The following NUP210L variants were observed in gnomAD, a reference collection of about 807,000 sequenced individuals.
The protein encoded by NUP210L is nucleoporin 210 like.
A neutral mutation model predicts 208.5 loss-of-function variants in NUP210L; 74 were observed. That is an observed-to-expected ratio of 0.35 (90% confidence interval 0.29 to 0.43). NUP210L has a LOEUF of 0.43. NUP210L is among the 20% of genes least tolerant of loss of function. The probability of loss-of-function intolerance (pLI) is 1.00; values close to 1 mark genes in which losing one functional copy is unlikely to be tolerated. For synonymous variants in NUP210L, 780 were observed against 816.9 expected (o/e 0.95, Z 0.77); for missense variants, 1,843 against 2,289.4 (o/e 0.81, Z 3.98).
At position 154,041,736 on chromosome 1, in the gene NUP210L, A is replaced by G. The variant is rs551647342; in HGVS notation, c.3696+4333T>C. Among the ~76,000 whole-genome samples, 12 of 152,290 alleles carry G rather than the reference A, an allele frequency of 7.9e-5. No individual in the cohort carries two copies. In the South Asian group the frequency reaches 2.5e-3, roughly 32 times the overall value. ...TTACAGGCTAGACTGGATAGCGAGG[A>G]TTAGAACTTGATAGACTTCTGATAA... is the stretch of plus-strand genomic sequence containing the variant. On this transcript the variant is annotated intron_variant, in intron 27 of 39. Transcript: ENST00000368559.
chr1:154,058,784 A>G, intron 20 of NUP210L, 91 bp from the exon 21 acceptor site: 1 of 1,336,808 alleles, frequency 7.5e-7, no homozygotes, highest in African/African-American at 1.5e-5. Flanking sequence ...AGAATAGAAA[A>G]CATCTTGCTT....
intron 27 of NUP210L, among the ~76,000 whole-genome samples, chr1:154,033,721 G>A (rs539218394): frequency 6.6e-6 from 1 of 152,182 alleles, no homozygotes; most frequent in South Asian, 2.1e-4. Flanking sequence ...GGACGGCTTT[G>A]ACTATTCTGT....
At chr1:154,010,238 T>G (rs1650829458) in intron 34 of NUP210L, 117 bp from the exon 35 acceptor site, 1 of 900,882 alleles carries the variant, frequency 1.1e-6, no homozygotes, top group Non-Finnish European at 1.7e-6. Flanking sequence ...AGAGGGTCAG[T>G]TATGGCTGGT....
intron 20 of NUP210L, among the ~76,000 whole-genome samples, chr1:154,059,629 A>T (rs1045260453): frequency 6.6e-6 from 1 of 152,198 alleles, no homozygotes; most frequent in Non-Finnish European, 1.5e-5. Flanking sequence ...AATCGCGTGC[A>T]TTTATGCCAC....
chr1:154,055,187 CTTTT>C (rs869166431), intron 23 of NUP210L, among the ~76,000 whole-genome samples: 4 of 83,976 alleles, frequency 4.8e-5, no homozygotes, highest in Admixed American at 2.6e-4. Context: ...TTCTTTCTTT[CTTTT>C]TCTTTCTTTC....
intron 10 of NUP210L, among the ~76,000 whole-genome samples, chr1:154,120,895 C>CAAA (rs34261242): frequency 4.9e-5 from 4 of 82,182 alleles, no homozygotes; most frequent in African/African-American, 1.4e-4. Flanking sequence ...GACTCTGTCT[C>CAAA]AAAAAAAAAA....
intron 15 of NUP210L, 95 bp downstream of exon 15, chr1:154,094,840 A>G: frequency 1.1e-6 from 1 of 903,524 alleles, no homozygotes; most frequent in Non-Finnish European, 1.7e-6. Context: ...TAGTCCATAA[A>G]CTAAATTCAG....
intron 13 of NUP210L, among the ~76,000 whole-genome samples, chr1:154,101,823 G>A (rs11265076): frequency 0.26 from 39,611 of 152,072 alleles, 5,599 homozygotes; most frequent in Admixed American, 0.37. Flanking sequence ...AGATATAAAT[G>A]AGAATATGAG....
intron 35 of NUP210L, among the ~76,000 whole-genome samples, chr1:154,003,573 A>G (rs1650337830): frequency 6.6e-6 from 1 of 151,488 alleles, no homozygotes; most frequent in African/African-American, 2.4e-5. Flanking sequence ...CACAATCACA[A>G]CTCACTGAAA....
At chr1:154,140,629 TG>T (rs1339289304) in intron 4 of NUP210L, among the ~76,000 whole-genome samples, 1 of 138,898 alleles carries the variant, frequency 7.2e-6, no homozygotes, top group Non-Finnish European at 1.6e-5. Flanking sequence ...ATCGTGTCAC[TG>T]CACTCCAGCC....
intron 33 of NUP210L, among the ~76,000 whole-genome samples, chr1:154,018,004 C>A (rs2147921273): frequency 6.6e-6 from 1 of 151,974 alleles, no homozygotes; most frequent in Non-Finnish European, 1.5e-5. Flanking sequence ...GCGACTCTCA[C>A]TCTGTTGCCC....
chr1:154,068,922 A>C (rs1219556128), intron 17 of NUP210L, among the ~76,000 whole-genome samples: 1 of 152,134 alleles, frequency 6.6e-6, no homozygotes, highest in African/African-American at 2.4e-5. Context: ...ACATGTATAC[A>C]TATGTAACTA....
At chr1:154,112,786 G>A (rs1419434202) in intron 12 of NUP210L, among the ~76,000 whole-genome samples, 1 of 151,788 alleles carries the variant, frequency 6.6e-6, no homozygotes, top group Non-Finnish European at 1.5e-5. Context: ...AGACCAGGAG[G>A]CGGAGGTTGC....
intron 14 of NUP210L, among the ~76,000 whole-genome samples, 163 bp downstream of exon 14, chr1:154,099,835 T>G (rs924121492): frequency 2.6e-5 from 4 of 152,210 alleles, no homozygotes; most frequent in African/African-American, 9.6e-5. Context: ...GAGACTTAGG[T>G]TTGAGGAGAG....
chr1:154,139,244 T>C (rs1215386341), intron 5 of NUP210L, among the ~76,000 whole-genome samples: 2 of 151,826 alleles, frequency 1.3e-5, no homozygotes, highest in Admixed American at 6.6e-5. Flanking sequence ...TTGGAGAAAG[T>C]GTATGTAGAT....
chr1:154,000,841 A>G lies in NUP210L; in HGVS notation c.5386+15T>C, dbSNP rs1650167337. The G allele has an allele frequency of 6.2e-7, 1 of 1,602,108 alleles. No individual in the cohort carries two copies. On this transcript the variant is annotated intron_variant, in intron 37 of 39. Coordinates refer to ENST00000368559, the Ensembl canonical transcript of NUP210L. ...TTTCCTCTCTAGATTATAAATAGGA[A>G]TCTCTGATGCTTACCTGCACCCAAC...
At chr1:154,064,123 C>A (rs887085526) in intron 17 of NUP210L, among the ~76,000 whole-genome samples, 5 of 151,702 alleles carry the variant, frequency 3.3e-5, no homozygotes, top group African/African-American at 9.7e-5. Context: ...GTCTTGCACT[C>A]TTGGGCTTAA....
At chr1:154,117,321 C>T (rs1657378581) in intron 12 of NUP210L, among the ~76,000 whole-genome samples, 1 of 152,116 alleles carries the variant, frequency 6.6e-6, no homozygotes, top group Non-Finnish European at 1.5e-5. Flanking sequence ...TGGCTTATGC[C>T]TGTAATCCCA....
At chr1:154,009,408 C>T (rs1373223004) in intron 35 of NUP210L, among the ~76,000 whole-genome samples, 1 of 151,904 alleles carries the variant, frequency 6.6e-6, no homozygotes, top group Non-Finnish European at 1.5e-5. Flanking sequence ...AATGCAGAGC[C>T]TCACAGAGTG....
Sources: gnomAD v4.1 joint callset for allele counts (sites outside exome capture counted in the v4.1 genomes callset) on GRCh38, gnomAD v4.1.1 for gene constraint, MANE v1.5 for transcripts, NCBI Gene and HGNC (gene_info 2026-07-23, HGNC 2026-07-21) for gene names.